Variants in BMERB1 observed in about 807,000 individuals in gnomAD.
BMERB1 encodes bMERB domain-containing protein 1.
In BMERB1, 12 loss-of-function variants were observed where a neutral mutation model predicts 23.6. The observed-to-expected ratio is 0.51, with a 90% CI of 0.33 to 0.82. The LOEUF (loss-of-function observed/expected upper bound fraction) is 0.82. BMERB1 is among the 40% of genes least tolerant of loss of function. BMERB1 has a pLI of 0.03. For missense variants in BMERB1, 247 were observed against 255.4 expected, an observed-to-expected ratio of 0.97 and a Z score of 0.22; for synonymous variants, 122 against 96.6, an observed-to-expected ratio of 1.26 and a Z score of -1.54.
intron 2 of BMERB1, among the ~76,000 whole-genome samples, chr16:15,531,905 C>G (rs1177994103): frequency 6.6e-6 from 1 of 152,132 alleles, no homozygotes; most frequent in Non-Finnish European, 1.5e-5. Context: ...CTTGACAGTT[C>G]TAGGACAGGA....
At chr16:15,560,952 C>CTTTTTTTTTTTT (rs1166759122) in intron 2 of BMERB1, among the ~76,000 whole-genome samples, 1 of 106,654 alleles carries the variant, frequency 9.4e-6, no homozygotes, top group Non-Finnish European at 1.8e-5. Flanking sequence ...TTCTCTGCTG[C>CTTTTTTTTTTTT]TTTTTTTTTT....
chr16:15,556,411 T>G (rs2030260289), intron 2 of BMERB1, among the ~76,000 whole-genome samples: 1 of 152,018 alleles, frequency 6.6e-6, no homozygotes, highest in African/African-American at 2.4e-5. Context: ...GTAATCCCTT[T>G]TCAACAGTGA....
chr16:15,538,897 C>T (rs897752179), intron 2 of BMERB1, among the ~76,000 whole-genome samples: 7 of 152,108 alleles, frequency 4.6e-5, no homozygotes, highest in African/African-American at 1.7e-4. Context: ...GAGGCAGGAG[C>T]CTGGGTTGAT....
intron 1 of BMERB1, among the ~76,000 whole-genome samples, chr16:15,484,318 C>T (rs1464262123): frequency 6.6e-6 from 1 of 152,140 alleles, no homozygotes; most frequent in Non-Finnish European, 1.5e-5. Context: ...CTTCTCCTGC[C>T]TCTTGACCAC....
intron 2 of BMERB1, among the ~76,000 whole-genome samples, chr16:15,542,315 G>C (rs1195758564): frequency 6.6e-6 from 1 of 151,954 alleles, no homozygotes; most frequent in East Asian, 1.9e-4. Flanking sequence ...TGCCGGCCTG[G>C]ACCTCCCAAA....
intron 1 of BMERB1, among the ~76,000 whole-genome samples, chr16:15,508,377 T>G (rs1317493227): frequency 6.6e-5 from 10 of 152,118 alleles, no homozygotes; most frequent in Admixed American, 6.5e-4. Context: ...GGAGTCTCTG[T>G]GGCAACTACT....
rs1598461852 is a variant in BMERB1, at chr16:15,479,059, G to T, written c.107-36246G>T. Among the ~76,000 whole-genome samples the T allele has an allele frequency of 2.0e-5, 3 of 152,152 alleles. No individual in the cohort carries two copies. The South Asian group carries it at 6.2e-4, about 31-fold the overall frequency. On this transcript the variant is annotated intron_variant, in intron 1 of 5. Coordinates refer to ENST00000300006, the MANE Select transcript of BMERB1 (RefSeq NM_033201.3). ...TGAGAAACTCTGATTTTTCAGCCTT[G>T]GGTATTTGTCAGACATTCTCTCAAA...
intron 1 of BMERB1, among the ~76,000 whole-genome samples, chr16:15,512,313 C>T (rs574340547): frequency 3.9e-5 from 6 of 152,228 alleles, no homozygotes; most frequent in South Asian, 2.1e-4. Context: ...TAGAAGAGGG[C>T]GCTGTTCTAT....
At chr16:15,581,733 C>T (rs544638947) in intron 4 of BMERB1, among the ~76,000 whole-genome samples, 3 of 152,318 alleles carry the variant, frequency 2.0e-5, no homozygotes, top group Admixed American at 2.0e-4. Context: ...CTTTGTTCTC[C>T]CCTTTCCCTT....
intron 1 of BMERB1, among the ~76,000 whole-genome samples, chr16:15,481,153 A>G (rs1385233198): frequency 1.3e-5 from 2 of 152,194 alleles, no homozygotes; most frequent in East Asian, 1.9e-4. Flanking sequence ...TCAAGATATT[A>G]AGTAGAAAGT....
intron 3 of BMERB1, among the ~76,000 whole-genome samples, chr16:15,574,979 T>G (rs2030821653): frequency 6.6e-6 from 1 of 152,154 alleles, no homozygotes; most frequent in African/African-American, 2.4e-5. Flanking sequence ...CTCGGGAGAC[T>G]GAGGCAGGAG....
chr16:15,443,520 G>A (rs894574471), intron 1 of BMERB1, among the ~76,000 whole-genome samples: 6 of 152,078 alleles, frequency 3.9e-5, no homozygotes, highest in African/African-American at 1.2e-4. Flanking sequence ...CAGCCTGGGC[G>A]ACAGTGAGGC....
intron 3 of BMERB1, among the ~76,000 whole-genome samples, chr16:15,568,459 A>G (rs1184458606): frequency 6.6e-6 from 1 of 151,978 alleles, no homozygotes; most frequent in East Asian, 1.9e-4. Flanking sequence ...CCAACATGGC[A>G]AAACCCCATC....
At chr16:15,480,102 A>G (rs1158687553) in intron 1 of BMERB1, among the ~76,000 whole-genome samples, 2 of 150,148 alleles carry the variant, frequency 1.3e-5, no homozygotes, top group Admixed American at 1.3e-4. Flanking sequence ...CATGAAATAG[A>G]GATCTGATTT....
chr16:15,483,435 A>C (rs189052559), intron 1 of BMERB1, among the ~76,000 whole-genome samples: 1 of 152,264 alleles, frequency 6.6e-6, no homozygotes. Flanking sequence ...GCTGGAGTGC[A>C]ATGGCATGAT....
chr16:15,475,421 G>A (rs2051266769), intron 1 of BMERB1, among the ~76,000 whole-genome samples: 1 of 152,182 alleles, frequency 6.6e-6, no homozygotes. Context: ...GGGACTCACA[G>A]AACTCCCTGA....
intron 2 of BMERB1, among the ~76,000 whole-genome samples, chr16:15,532,147 G>A (rs2051973813): frequency 6.6e-6 from 1 of 152,066 alleles, no homozygotes; most frequent in Admixed American, 6.6e-5. Context: ...AAACTCCTCG[G>A]GGATCTCAAG....
At chr16:15,489,812 A>G (rs771578029) in intron 1 of BMERB1, among the ~76,000 whole-genome samples, 4 of 151,838 alleles carry the variant, frequency 2.6e-5, no homozygotes, top group Non-Finnish European at 4.4e-5. Context: ...AGTTTATCCC[A>G]TGTACACTTC....
Position 15,535,965 on chromosome 16 carries a change from A to T in BMERB1, c.230+20537A>T, listed in dbSNP as rs904160900. Among the ~76,000 whole-genome samples, 7 of 152,172 alleles carry T rather than the reference A, an allele frequency of 4.6e-5. No individual in the cohort carries two copies. The South Asian group carries it at 1.5e-3, about 32-fold the overall frequency. Reference sequence around the variant, plus strand: ...ATCTCATGAGAACTCACCCTTTATCACGAGAACAGCATGGAGGAAACTGCC... The same window carrying T: ...ATCTCATGAGAACTCACCCTTTATCTCGAGAACAGCATGGAGGAAACTGCC... On this transcript the variant is annotated intron_variant, in intron 2 of 5. Transcript: ENST00000300006.
Sources: allele counts gnomAD v4.1 joint callset (sites outside exome capture counted in the v4.1 genomes callset), GRCh38; gene constraint gnomAD v4.1.1; transcripts MANE v1.5; gene names NCBI Gene and HGNC (gene_info 2026-07-23, HGNC 2026-07-21).